CFAP20DC: variants seen among roughly 807,000 people sequenced by gnomAD.
CFAP20DC encodes protein CFAP20DC.
Under a neutral mutation model 101.7 loss-of-function variants are expected in CFAP20DC, and 84 were observed. The observed-to-expected ratio is 0.83, with a 90% CI of 0.69 to 0.99. The LOEUF is 0.99. Among genes scored for constraint, CFAP20DC ranks in the 50% least tolerant of loss-of-function variants. CFAP20DC has a pLI of 0.00. For synonymous variants in CFAP20DC, 359 were observed against 351.2 expected (o/e 1.02, Z -0.25); for missense variants, 1,007 against 970.3 (o/e 1.04, Z -0.50).
chr3:58,983,650 C>T (rs565724228), intron 4 of CFAP20DC, among the ~76,000 whole-genome samples: 1 of 152,060 alleles, frequency 6.6e-6, no homozygotes, highest in East Asian at 1.9e-4. Context: ...CACCATAACA[C>T]ACCAAAATAG....
intron 4 of CFAP20DC, among the ~76,000 whole-genome samples, chr3:58,996,333 A>G (rs1002678756): frequency 6.6e-6 from 1 of 152,240 alleles, no homozygotes; most frequent in African/African-American, 2.4e-5. Flanking sequence ...AGCCCATTCT[A>G]GGCTTCACGT....
At chr3:58,929,301 T>G (rs760570404) in intron 5 of CFAP20DC, among the ~76,000 whole-genome samples, 2 of 152,196 alleles carry the variant, frequency 1.3e-5, no homozygotes, top group Non-Finnish European at 2.9e-5. Context: ...TATCTAGACT[T>G]CAGAGTTAGT....
chr3:58,822,157 A>C (rs1446291128), intron 14 of CFAP20DC, among the ~76,000 whole-genome samples: 1 of 61,886 alleles, frequency 1.6e-5, no homozygotes, highest in African/African-American at 6.7e-5. Context: ...GGGTGGGGGG[A>C]GGGGGGAAGG....
At chr3:58,843,356 C>T (rs1310765433) in intron 13 of CFAP20DC, among the ~76,000 whole-genome samples, 8 of 151,764 alleles carry the variant, frequency 5.3e-5, no homozygotes, top group East Asian at 1.9e-4. Context: ...TCGAGAACTA[C>T]GTGAAGAATG....
At chr3:58,906,336 T>C (rs1175018943) in intron 6 of CFAP20DC, among the ~76,000 whole-genome samples, 1 of 152,204 alleles carries the variant, frequency 6.6e-6, no homozygotes. Flanking sequence ...TTATGTGTAA[T>C]TGTCTTCATA....
chr3:58,783,033 T>G (rs1317795878), intron 15 of CFAP20DC, among the ~76,000 whole-genome samples: 1 of 152,010 alleles, frequency 6.6e-6, no homozygotes, highest in Non-Finnish European at 1.5e-5. Flanking sequence ...CAAAATATAT[T>G]ACAAGGCTAT....
Position 58,732,848 on chromosome 3 carries a change from T to G in CFAP20DC, c.198-15220A>C, listed in dbSNP as rs913920129. Among the ~76,000 whole-genome samples the G allele has an allele frequency of 6.6e-6, 1 of 152,212 alleles. No individual in the cohort carries two copies. Among genetic ancestry groups the G allele is most frequent in the Non-Finnish European group, 1.5e-5 (1 of 68,038 alleles). ...TGGTGAAATGTTCTATATCTATAAC[T>G]TGTGATTAAGCTCAGGATAGACATT... On this transcript the variant is annotated intron_variant, in intron 3 of 3. Transcript: ENST00000486145. This position sits in a 1 kb window ranked among gnomAD's most constrained non-coding sequence, Gnocchi z 5.4.
At position 59,049,657 on chromosome 3, in the gene CFAP20DC, G is replaced by A. The variant is rs1462722522; in HGVS notation, c.-26C>T. The A allele has an allele frequency of 6.5e-7, 1 of 1,535,848 alleles. No individual in the cohort carries two copies. Among genetic ancestry groups the A allele is most frequent in the South Asian group, 1.2e-5 (1 of 84,032 alleles). On this transcript the variant is annotated 5_prime_UTR_variant, in exon 1 of 17. Coordinates refer to ENST00000482387, the MANE Select transcript of CFAP20DC (RefSeq NM_001394063.1). ...TCCCGCAGGGGGCCCAGGGCTTGGGGGGCACAGAGTTCAGGGTTTCCAGCG... is the reference window on the plus strand; with the variant it reads ...TCCCGCAGGGGGCCCAGGGCTTGGGAGGCACAGAGTTCAGGGTTTCCAGCG...
chr3:58,945,050 G>A (rs1426001481), intron 4 of CFAP20DC, among the ~76,000 whole-genome samples: 2 of 152,094 alleles, frequency 1.3e-5, no homozygotes, highest in African/African-American at 4.8e-5. Flanking sequence ...AATGTATTAA[G>A]CACTCTATAT....
chr3:59,038,809 T>A (rs1378384528), intron 4 of CFAP20DC, among the ~76,000 whole-genome samples: 1 of 152,010 alleles, frequency 6.6e-6, no homozygotes, highest in Non-Finnish European at 1.5e-5. Flanking sequence ...CAGTATAGAA[T>A]CATCTTCCTT....
At chr3:58,976,550 G>A (rs1265289829) in intron 4 of CFAP20DC, among the ~76,000 whole-genome samples, 2 of 152,196 alleles carry the variant, frequency 1.3e-5, no homozygotes, top group African/African-American at 2.4e-5. Context: ...TTCTGGCTCT[G>A]CCACTTACAC....
At chr3:58,806,925 A>T (rs182118836) in intron 14 of CFAP20DC, among the ~76,000 whole-genome samples, 2 of 152,176 alleles carry the variant, frequency 1.3e-5, no homozygotes, top group Admixed American at 1.3e-4. Context: ...TATCCCGCAC[A>T]TGGCTTGAAG....
chr3:58,751,223 A>C (rs1396790604), intron 16 of CFAP20DC, among the ~76,000 whole-genome samples: 1 of 152,186 alleles, frequency 6.6e-6, no homozygotes, highest in Non-Finnish European at 1.5e-5. Flanking sequence ...CTTAGGAGGA[A>C]AGACAATAAA....
At chr3:58,809,471 G>A (rs2074415265) in intron 14 of CFAP20DC, among the ~76,000 whole-genome samples, 1 of 152,062 alleles carries the variant, frequency 6.6e-6, no homozygotes, top group Non-Finnish European at 1.5e-5. Flanking sequence ...ATAACGAAAT[G>A]AAGGCAGAAA....
intron 3 of CFAP20DC, among the ~76,000 whole-genome samples, chr3:59,044,476 C>T (rs916221195): frequency 1.4e-4 from 21 of 151,790 alleles, no homozygotes; most frequent in Admixed American, 1.1e-3. Context: ...AGGCATTGTA[C>T]AAGAAATACA....
At chr3:58,831,599 G>T in intron 14 of CFAP20DC, 87 bp downstream of exon 14, 1 of 1,149,910 alleles carries the variant, frequency 8.7e-7, no homozygotes, top group Non-Finnish European at 1.3e-6. Flanking sequence ...TTTTGGTCCT[G>T]GCTTTTCCAG....
At chr3:58,813,750 C>T (rs1181304052) in intron 14 of CFAP20DC, among the ~76,000 whole-genome samples, 2 of 151,920 alleles carry the variant, frequency 1.3e-5, no homozygotes, top group Non-Finnish European at 2.9e-5. Context: ...CTTAGCCTGA[C>T]TACCTGTTAT....
chr3:58,937,047 T>C (rs964682567), intron 5 of CFAP20DC, among the ~76,000 whole-genome samples: 9 of 150,992 alleles, frequency 6.0e-5, no homozygotes, highest in Non-Finnish European at 8.8e-5. Context: ...CTGAGAGTAA[T>C]ATTGAAATGA....
rs556563889 is a variant in CFAP20DC at position 58,864,810 on chromosome 3, G to C, written c.1259-918C>G. On this transcript the variant is annotated intron_variant, in intron 11 of 16. Transcript: ENST00000482387. This position sits in a 1 kb window ranked among gnomAD's most constrained non-coding sequence, Gnocchi z 4.7. ...CTAATCCAAGCAGTGGATTCTGCTG[G>C]GTGAAAAAGGTCTTTAAGTTTACAA... 1.3e-5 allele frequency among the ~76,000 whole-genome samples: 2 copies of C among 151,982 alleles called. No individual in the cohort carries two copies. The highest frequency in any genetic ancestry group is 2.9e-5 in the Non-Finnish European group (2 of 67,982).
Sources: allele counts gnomAD v4.1 joint callset (sites outside exome capture counted in the v4.1 genomes callset), GRCh38; gene constraint gnomAD v4.1.1; non-coding constraint Gnocchi (gnomAD v3.1); transcripts MANE v1.5; gene names NCBI Gene and HGNC (gene_info 2026-07-23, HGNC 2026-07-21).